The following YEATS2 variants were observed in gnomAD, a reference collection of about 807,000 sequenced individuals.
YEATS2 encodes the protein YEATS domain-containing protein 2.
Under a neutral mutation model 163.2 loss-of-function variants are expected in YEATS2, and 77 were observed. The ratio of observed to expected loss-of-function variants is 0.47; its 90% CI spans 0.39 to 0.57. YEATS2 has a LOEUF of 0.57. Among genes scored for constraint, YEATS2 ranks in the 20% least tolerant of loss-of-function variants. The pLI, the probability that YEATS2 is intolerant of heterozygous loss-of-function variation, is 0.00. For synonymous variants in YEATS2, 631 were observed against 645.1 expected (o/e 0.98, Z 0.33); for missense variants, 1,549 against 1,729.8 (o/e 0.90, Z 1.85).
At chr3:183,799,934 G>A (rs570119468) in intron 23 of YEATS2, among the ~76,000 whole-genome samples, 5 of 148,798 alleles carry the variant, frequency 3.4e-5, no homozygotes, top group Non-Finnish European at 7.4e-5. Flanking sequence ...CCAGGTTCAC[G>A]CCATTCTCCT....
intron 2 of YEATS2, among the ~76,000 whole-genome samples, chr3:183,716,246 A>C (rs1205922550): frequency 6.6e-6 from 1 of 152,198 alleles, no homozygotes; most frequent in Non-Finnish European, 1.5e-5. Flanking sequence ...GACGTGAGCC[A>C]CCGCGCCCGG....
chr3:183,797,406 G>A (rs1560328355), intron 21 of YEATS2, among the ~76,000 whole-genome samples: 1 of 151,862 alleles, frequency 6.6e-6, no homozygotes, highest in Non-Finnish European at 1.5e-5. Context: ...AATTAGCTGT[G>A]TGTCATGGTA....
chr3:183,779,553 T>A (rs1221001125), intron 19 of YEATS2, among the ~76,000 whole-genome samples: 1 of 152,180 alleles, frequency 6.6e-6, no homozygotes, highest in Non-Finnish European at 1.5e-5. Flanking sequence ...TTCAAAAAAA[T>A]AAGATTTTGT....
intron 15 of YEATS2, among the ~76,000 whole-genome samples, chr3:183,771,718 ATTTTTTTTTTTT>A (rs10592078): frequency 1.6e-4 from 16 of 100,222 alleles, no homozygotes; most frequent in African/African-American, 2.3e-4. Context: ...GTACTGGCTA[ATTTTTTTTTTTT>A]TTTTTTTTTT....
intron 13 of YEATS2, among the ~76,000 whole-genome samples, chr3:183,759,189 C>T (rs1350621876): frequency 1.3e-5 from 2 of 152,144 alleles, no homozygotes; most frequent in Non-Finnish European, 2.9e-5. Flanking sequence ...TCAGCCTCAG[C>T]AAGAATGTGT....
chr3:183,758,565 G>A (rs1007304787), intron 12 of YEATS2, among the ~76,000 whole-genome samples: 11 of 152,078 alleles, frequency 7.2e-5, no homozygotes, highest in Admixed American at 2.0e-4. Flanking sequence ...TAGAATATAC[G>A]AGAATATGCT....
chr3:183,755,717 CTTACTGATTTTCTTCCTT>C (rs1720656660), intron 11 of YEATS2, among the ~76,000 whole-genome samples: 1 of 125,792 alleles, frequency 7.9e-6, no homozygotes. Flanking sequence ...TAGCTGTTTA[CTTACTGATTTTCTTCCTT>C]CCTTTCTTTT....
At position 183,802,485 on chromosome 3, in the gene YEATS2, A is replaced by ATG. The variant is rs1256275033; in HGVS notation, c.3503-770_3503-769insGT. 8 of 99,876 alleles carry ATG rather than the reference A, an allele frequency of 8.0e-5. No homozygotes were observed. In the East Asian group the frequency reaches 1.5e-3, roughly 19 times the overall value. 6.2% of individuals were successfully genotyped at this position (99,876 alleles called of 1,614,324 possible). A position where few individuals can be genotyped will look rare whatever the true frequency, so the allele number is the denominator to read the frequency against. ...ATTCAAACAAAAAAATCTCTCTTAT[A>ATG]TATGTGTGTGTGTGTGTGTGTGTGT... On this transcript the variant is annotated intron_variant, in intron 25 of 30. Coordinates refer to ENST00000305135, the MANE Select transcript of YEATS2 (RefSeq NM_018023.5).
intron 19 of YEATS2, among the ~76,000 whole-genome samples, chr3:183,784,880 C>T (rs1723909402): frequency 6.6e-6 from 1 of 151,324 alleles, no homozygotes. Context: ...TTGAGACCAG[C>T]CTGGCCAACA....
rs573240116 is a variant in YEATS2, at chr3:183,703,642, G to A, written c.-20+5649G>A. Reference sequence around the variant, plus strand: ...TTAAATAGGTGGAGAAATTTTAATTGACATTGAAATATAGATTTTGATTTT... The same window carrying A: ...TTAAATAGGTGGAGAAATTTTAATTAACATTGAAATATAGATTTTGATTTT... On this transcript the variant is annotated intron_variant, in intron 1 of 30. Transcript: ENST00000305135. 3.1e-4 allele frequency among the ~76,000 whole-genome samples: 47 copies of A among 152,270 alleles called. No homozygotes were observed. In the South Asian group the frequency reaches 9.1e-3, roughly 30 times the overall value.
At chr3:183,764,524 A>ATAGAGCTTGTC (rs1721704811) in intron 15 of YEATS2, among the ~76,000 whole-genome samples, 2 of 152,196 alleles carry the variant, frequency 1.3e-5, no homozygotes. Context: ...TTAAAAATTC[A>ATAGAGCTTGTC]TAGAGCTTGT....
At chr3:183,743,344 TA>T (rs1214249550) in intron 8 of YEATS2, among the ~76,000 whole-genome samples, 1 of 152,158 alleles carries the variant, frequency 6.6e-6, no homozygotes, top group East Asian at 1.9e-4. Context: ...AATAAACGTT[TA>T]TTTTTTATTT....
At chr3:183,777,735 G>A in intron 19 of YEATS2, 35 bp downstream of exon 19, 1 of 1,588,162 alleles carries the variant, frequency 6.3e-7, no homozygotes, top group Non-Finnish European at 8.6e-7. Context: ...CAAATATGGG[G>A]TGATTATGGC....
intron 7 of YEATS2, among the ~76,000 whole-genome samples, chr3:183,730,818 A>T (rs1444092883): frequency 2.0e-5 from 3 of 152,158 alleles, no homozygotes; most frequent in Non-Finnish European, 4.4e-5. Context: ...TGGTTCTTTG[A>T]TTTCTTCACT....
In YEATS2 at chr3:183,724,440, T is replaced by C; in HGVS notation, c.559T>C (p.Ser187Pro). 6.2e-7 allele frequency: 1 copy of C among 1,612,410 alleles called. No homozygotes were observed. Among genetic ancestry groups the C allele is most frequent in the Non-Finnish European group, 8.5e-7 (1 of 1,179,472 alleles). The stretch of plus-strand genomic sequence containing the variant: ...TCAGGATACTTCTAGAATTACTGGC[T>C]CCCATAAAACAGAACAGCGGAATGC... The part of the protein sequence containing the change: ...TGRDTSRITG[S>P]HKTEQRNADL... Residue 187 changes from serine (S) to proline (P), a missense_variant, in exon 6 of 31, where the codon TCC becomes CCC. Physicochemically the swap from Ser to Pro is moderately conservative, Grantham distance 74. Coordinates refer to ENST00000305135, the MANE Select transcript of YEATS2 (RefSeq NM_018023.5).
chr3:183,757,174 C>T (rs923257566), intron 12 of YEATS2, among the ~76,000 whole-genome samples: 8 of 152,232 alleles, frequency 5.3e-5, no homozygotes, highest in African/African-American at 1.9e-4. Context: ...AAAAGTCATC[C>T]TTGGGTTCAC....
chr3:183,722,005 A>G lies in YEATS2; in HGVS notation c.406A>G (p.Asn136Asp), dbSNP rs563065036. Reference sequence around the variant, plus strand: ...TCAGAGAGCAGAAACACCATCAGCCAATCATTCAGAAAGTGATTCTTTATC... The same window carrying G: ...TCAGAGAGCAGAAACACCATCAGCCGATCATTCAGAAAGTGATTCTTTATC... The part of the protein sequence containing the change: ...ANQRAETPSA[N>D]HSESDSLSQH... Residue 136 changes from asparagine (N) to aspartate (D), a missense_variant, in exon 5 of 31, where the codon AAT becomes GAT. By Grantham distance (23) the Asn-to-Asp change is conservative. Coordinates refer to ENST00000305135, the MANE Select transcript of YEATS2 (RefSeq NM_018023.5). 2.5e-4 allele frequency: 410 copies of G among 1,614,188 alleles called. 6 individuals carry two copies. In the South Asian group the frequency reaches 4.2e-3, roughly 17 times the overall value.
rs367601561 is a variant in YEATS2 at position 183,800,520 on chromosome 3, C to G, written c.3380C>G (p.Thr1127Arg). The G allele has an allele frequency of 2.5e-6, 4 of 1,614,178 alleles. No homozygotes were observed. Among genetic ancestry groups the G allele is most frequent in the Non-Finnish European group, 3.4e-6 (4 of 1,180,018 alleles). ...AGTTGCCTCTCTCAGGAGGGTCAGA[C>G]AGCAGTGAAAACAGAAGAAAGTTCT... ...GPSCLSQEGQTAVKTEESSEL... is the reference protein window; with the variant it reads ...GPSCLSQEGQRAVKTEESSEL... The change falls in exon 24 of 31, where the codon ACA (threonine) becomes AGA (arginine). Residue 1127 changes from threonine to arginine, a missense_variant. By Grantham distance (71) the Thr-to-Arg change is moderately conservative. Transcript: ENST00000305135.
At chr3:183,809,440 T>C (rs1726566493) in intron 30 of YEATS2, 1 of 310,094 alleles carries the variant, frequency 3.2e-6, no homozygotes, top group Non-Finnish European at 5.9e-6. Flanking sequence ...CAGGGTTGAA[T>C]AAATATTAGC....
Sources: allele counts gnomAD v4.1 joint callset (sites outside exome capture counted in the v4.1 genomes callset), GRCh38; gene constraint gnomAD v4.1.1; transcripts MANE v1.5; gene names NCBI Gene and HGNC (gene_info 2026-07-23, HGNC 2026-07-21).